PTPRD: variants seen among roughly 807,000 people sequenced by gnomAD.
PTPRD encodes receptor-type tyrosine-protein phosphatase delta.
A neutral mutation model predicts 214.5 loss-of-function variants in PTPRD; 34 were observed. That is an observed-to-expected ratio of 0.16 (90% CI 0.12 to 0.21). The LOEUF (loss-of-function observed/expected upper bound fraction) is 0.21, where lower values mean the gene tolerates loss of function less well. Ranked by LOEUF, PTPRD falls within the 10% of genes least tolerant of loss-of-function variation. The pLI is 1.00. For missense variants in PTPRD, 2,545 were observed against 2,398.7 expected, an observed-to-expected ratio of 1.06 and a Z score of -1.27; for synonymous variants, 1,128 against 845.7, an observed-to-expected ratio of 1.33 and a Z score of -5.79.
At chr9:9,967,300 G>A (rs563864869) in intron 4 of PTPRD, among the ~76,000 whole-genome samples, 6 of 152,152 alleles carry the variant, frequency 3.9e-5, no homozygotes, top group Admixed American at 3.9e-4. Flanking sequence ...ATCATTATTA[G>A]CAATAAAGTG....
At chr9:10,119,846 T>C (rs2098761016) in intron 3 of PTPRD, among the ~76,000 whole-genome samples, 2 of 152,016 alleles carry the variant, frequency 1.3e-5, no homozygotes, top group South Asian at 4.2e-4. Flanking sequence ...TAATGAGAGG[T>C]ACAGAGACCT....
At chr9:9,859,855 T>C (rs1237959048) in intron 5 of PTPRD, among the ~76,000 whole-genome samples, 2 of 152,220 alleles carry the variant, frequency 1.3e-5, no homozygotes, top group East Asian at 3.8e-4. Flanking sequence ...TCTTGTGCCA[T>C]GTACCGTTTT....
At chr9:8,625,135 A>T (rs1439410310) in intron 14 of PTPRD, among the ~76,000 whole-genome samples, 1 of 151,858 alleles carries the variant, frequency 6.6e-6, no homozygotes, top group African/African-American at 2.4e-5. Context: ...AGACATAAAG[A>T]GTATAATTTC....
At chr9:9,812,059 A>C (rs1385518626) in intron 5 of PTPRD, among the ~76,000 whole-genome samples, 1 of 152,216 alleles carries the variant, frequency 6.6e-6, no homozygotes, top group Non-Finnish European at 1.5e-5. Flanking sequence ...CATAAGCAAA[A>C]AGATTACAAC....
chr9:10,060,869 T>TTCCTTCC (rs1567406075), intron 3 of PTPRD, among the ~76,000 whole-genome samples: 3 of 83,462 alleles, frequency 3.6e-5, no homozygotes, highest in Non-Finnish European at 5.9e-5. Flanking sequence ...TCCTTCCTTC[T>TTCCTTCC]TTCCTTCCTT....
intron 20 of PTPRD, among the ~76,000 whole-genome samples, chr9:8,519,633 C>G (rs919799725): frequency 1.3e-5 from 2 of 152,132 alleles, no homozygotes; most frequent in Admixed American, 6.5e-5. Context: ...AGAATGCTGC[C>G]TGGCACTCGG....
At chr9:10,122,563 G>T (rs894715227) in intron 3 of PTPRD, among the ~76,000 whole-genome samples, 4 of 152,072 alleles carry the variant, frequency 2.6e-5, no homozygotes, top group African/African-American at 7.2e-5. Flanking sequence ...TGCTGAAATG[G>T]AAGTTATGTT....
chr9:10,337,772 T>G (rs1232793589), intron 3 of PTPRD, among the ~76,000 whole-genome samples: 2 of 151,704 alleles, frequency 1.3e-5, no homozygotes, highest in Non-Finnish European at 3.0e-5. Flanking sequence ...GTGCGGGAAC[T>G]GAGGCTCAGA....
intron 3 of PTPRD, among the ~76,000 whole-genome samples, chr9:10,207,524 T>TATATG (rs527927149): frequency 1.1e-3 from 170 of 152,096 alleles, no homozygotes; most frequent in African/African-American, 4.0e-3. Flanking sequence ...CTTTCTAAAA[T>TATATG]ATATAATGCA....
chr9:10,006,956 G>T (rs1402164670), intron 4 of PTPRD, among the ~76,000 whole-genome samples: 2 of 151,674 alleles, frequency 1.3e-5, no homozygotes, highest in African/African-American at 4.8e-5. Flanking sequence ...GTTATTGCTG[G>T]TATTATCACT....
At chr9:9,627,188 T>C (rs1484647734) in intron 7 of PTPRD, among the ~76,000 whole-genome samples, 1 of 152,086 alleles carries the variant, frequency 6.6e-6, no homozygotes, top group Non-Finnish European at 1.5e-5. Context: ...ACATCTGTAG[T>C]CCCAGCTACT....
chr9:8,875,893 G>C (rs919222654), intron 11 of PTPRD, among the ~76,000 whole-genome samples: 3 of 152,098 alleles, frequency 2.0e-5, no homozygotes, highest in African/African-American at 7.2e-5. Flanking sequence ...ACTTCTTCCA[G>C]TTGTTTTGTG....
chr9:9,896,625 A>G (rs74610117), intron 5 of PTPRD, among the ~76,000 whole-genome samples: 1,721 of 152,206 alleles, frequency 0.011, 41 homozygotes, highest in African/African-American at 0.039. Flanking sequence ...CCTCCAACGA[A>G]TTAGATCCGA....
At chr9:10,084,650 T>C (rs1265383013) in intron 3 of PTPRD, among the ~76,000 whole-genome samples, 2 of 146,418 alleles carry the variant, frequency 1.4e-5, no homozygotes, top group Non-Finnish European at 2.9e-5. Flanking sequence ...ACACTTTCTG[T>C]AAAAGTTTAA....
At chr9:9,791,203 G>A (rs1015358501) in intron 5 of PTPRD, among the ~76,000 whole-genome samples, 1 of 151,990 alleles carries the variant, frequency 6.6e-6, no homozygotes, top group African/African-American at 2.4e-5. Context: ...AAAGATTTTA[G>A]TTTAGTTATA....
chr9:9,474,495 G>C lies in PTPRD; in HGVS notation c.-236-77013C>G, dbSNP rs4474080. 1.7e-4 allele frequency among the ~76,000 whole-genome samples: 26 copies of C among 152,126 alleles called. No homozygotes were observed. The East Asian group carries it at 2.5e-3, about 15-fold the overall frequency. Reference sequence around the variant, plus strand: ...CAGTGAAGAATTCCATTGGTGTTTTGATAGGGATTGTATTAAATCTATAGA... The same window carrying C: ...CAGTGAAGAATTCCATTGGTGTTTTCATAGGGATTGTATTAAATCTATAGA... On this transcript the variant is annotated intron_variant, in intron 8 of 45. Transcript: ENST00000381196.
At chr9:8,464,162 G>A (rs1207785287) in intron 32 of PTPRD, among the ~76,000 whole-genome samples, 2 of 151,798 alleles carry the variant, frequency 1.3e-5, no homozygotes, top group Non-Finnish European at 2.9e-5. Flanking sequence ...CAGTCTGCAG[G>A]ATCGAATGAG....
At chr9:8,478,543 A>G (rs1012648678) in intron 30 of PTPRD, among the ~76,000 whole-genome samples, 1 of 152,182 alleles carries the variant, frequency 6.6e-6, no homozygotes, top group African/African-American at 2.4e-5. Context: ...TTTTTTAAAT[A>G]CCCAGAGTAA....
In PTPRD at chr9:9,402,491, G is replaced by A. The variant is rs538855706; in HGVS notation, c.-236-5009C>T. On this transcript the variant is annotated intron_variant, in intron 8 of 45. Transcript: ENST00000381196. Reference sequence around the variant, plus strand: ...TACATTTAATCACCAAATTTCTCTGGAAGGGTACATTCTCAACAGAGGACA... The same window carrying A: ...TACATTTAATCACCAAATTTCTCTGAAAGGGTACATTCTCAACAGAGGACA... 6.6e-5 allele frequency among the ~76,000 whole-genome samples: 10 copies of A among 152,128 alleles called. No individual in the cohort carries two copies. The South Asian group carries it at 2.1e-3, about 32-fold the overall frequency.
Sources: allele counts gnomAD v4.1 joint callset (sites outside exome capture counted in the v4.1 genomes callset), GRCh38; gene constraint gnomAD v4.1.1; transcripts MANE v1.5; gene names NCBI Gene and HGNC (gene_info 2026-07-23, HGNC 2026-07-21).